The following AFAP1 variants were observed in gnomAD, a reference collection of about 807,000 sequenced individuals.
AFAP1 encodes actin filament-associated protein 1.
A neutral mutation model predicts 93.9 loss-of-function variants in AFAP1; 75 were observed. That is an observed-to-expected ratio of 0.80 (90% CI 0.66 to 0.97). The LOEUF (loss-of-function observed/expected upper bound fraction) is 0.97, where lower values mean the gene tolerates loss of function less well. Ranked by LOEUF, AFAP1 falls within the 50% of genes least tolerant of loss-of-function variation. The pLI, the probability that AFAP1 is intolerant of heterozygous loss-of-function variation, is 0.00. For synonymous variants in AFAP1, 517 were observed against 430.7 expected (o/e 1.20, Z -2.48); for missense variants, 1,201 against 1,050.8 (o/e 1.14, Z -1.98).
At chr4:7,836,736 C>T (rs1034983951) in intron 6 of AFAP1, among the ~76,000 whole-genome samples, 1 of 152,246 alleles carries the variant, frequency 6.6e-6, no homozygotes, top group Non-Finnish European at 1.5e-5. Context: ...GCATGAGCCG[C>T]TGCGCCCAGC....
At chr4:7,840,292 G>C (rs1030277875) in intron 5 of AFAP1, among the ~76,000 whole-genome samples, 4 of 107,440 alleles carry the variant, frequency 3.7e-5, no homozygotes, top group African/African-American at 1.2e-4. Context: ...GTGTGTTCCT[G>C]GTTTGTTTTT....
At chr4:7,923,728 G>A (rs949656359) in intron 1 of AFAP1, among the ~76,000 whole-genome samples, 1 of 152,148 alleles carries the variant, frequency 6.6e-6, no homozygotes, top group Non-Finnish European at 1.5e-5. Context: ...GCCTCCCAAA[G>A]TGCTGGGATT....
intron 1 of AFAP1, among the ~76,000 whole-genome samples, chr4:7,921,123 G>C (rs1365590745): frequency 1.3e-5 from 2 of 149,914 alleles, no homozygotes; most frequent in African/African-American, 4.9e-5. Flanking sequence ...AGACCAGGTA[G>C]ATGACCTATC....
intron 1 of AFAP1, among the ~76,000 whole-genome samples, chr4:7,874,232 C>G (rs1560214503): frequency 6.6e-6 from 1 of 152,048 alleles, no homozygotes; most frequent in Non-Finnish European, 1.5e-5. Context: ...TCACAACTAA[C>G]AGTTAGGAAA....
At chr4:7,784,522 GGA>G (rs1717083904) in intron 12 of AFAP1, among the ~76,000 whole-genome samples, 1 of 152,160 alleles carries the variant, frequency 6.6e-6, no homozygotes, top group South Asian at 2.1e-4. Context: ...ATAAGGCAAG[GGA>G]GAGAGGACTG....
At position 7,760,965 on chromosome 4, in the gene AFAP1, C is replaced by G. The variant is rs1020309360; in HGVS notation, c.*2800G>C. On this transcript the variant is annotated 3_prime_UTR_variant, in exon 18 of 18. Coordinates refer to ENST00000420658, the MANE Select transcript of AFAP1 (RefSeq NM_001134647.2). Reference sequence around the variant, plus strand: ...AAGAAATCCGGCTTCTCCGGGGACCCTGGCCTGCCTGTCGGGCCTCTTGCC... The same window carrying G: ...AAGAAATCCGGCTTCTCCGGGGACCGTGGCCTGCCTGTCGGGCCTCTTGCC... 6.6e-6 allele frequency: 1 copy of G among 152,280 alleles called. No individual in the cohort carries two copies. Among genetic ancestry groups the G allele is most frequent in the Non-Finnish European group, 1.5e-5 (1 of 68,066 alleles). The allele number at this position is 152,280 out of a possible 1,614,324, so 9.4% of individuals were successfully genotyped here.
intron 3 of AFAP1, 65 bp from the exon 4 acceptor site, chr4:7,855,639 CAA>C: frequency 7.7e-7 from 1 of 1,292,390 alleles, no homozygotes; most frequent in Non-Finnish European, 1.1e-6. Flanking sequence ...TCTGGATTTC[CAA>C]TTAACAGGTG....
intron 6 of AFAP1, among the ~76,000 whole-genome samples, chr4:7,828,205 G>T (rs1422081086): frequency 1.3e-5 from 2 of 152,130 alleles, no homozygotes; most frequent in Non-Finnish European, 2.9e-5. Context: ...TTCACCTAGG[G>T]CTGCTTGAAA....
At chr4:7,855,013 C>T (rs1350804779) in intron 4 of AFAP1, among the ~76,000 whole-genome samples, 2 of 152,150 alleles carry the variant, frequency 1.3e-5, no homozygotes, top group Non-Finnish European at 2.9e-5. Context: ...AAAGAAAAAA[C>T]CAAAAGTCTA....
intron 6 of AFAP1, among the ~76,000 whole-genome samples, chr4:7,831,341 G>T (rs1200938326): frequency 2.0e-5 from 3 of 147,696 alleles, no homozygotes; most frequent in African/African-American, 7.6e-5. Context: ...CTTTAGAAAA[G>T]ATACTTTACC....
At chr4:7,868,233 T>C (rs1397994148) in intron 3 of AFAP1, among the ~76,000 whole-genome samples, 1 of 152,156 alleles carries the variant, frequency 6.6e-6, no homozygotes, top group Non-Finnish European at 1.5e-5. Flanking sequence ...AGTTTCACAA[T>C]AAGGTATTCA....
intron 1 of AFAP1, among the ~76,000 whole-genome samples, chr4:7,877,132 G>T (rs62289338): frequency 1.3e-5 from 2 of 151,922 alleles, no homozygotes; most frequent in Non-Finnish European, 2.9e-5. Context: ...TTTCCCTCAA[G>T]GTAGCTAGTC....
At chr4:7,904,567 T>C (rs1286509230) in intron 1 of AFAP1, among the ~76,000 whole-genome samples, 1 of 152,204 alleles carries the variant, frequency 6.6e-6, no homozygotes, top group Non-Finnish European at 1.5e-5. Flanking sequence ...CAGTACCATA[T>C]TCTCTCATTT....
intron 6 of AFAP1, among the ~76,000 whole-genome samples, chr4:7,822,523 C>T (rs2149077085): frequency 6.6e-6 from 1 of 152,160 alleles, no homozygotes; most frequent in East Asian, 1.9e-4. Context: ...CTGCCAAAAC[C>T]CATGATCTCT....
chr4:7,840,774 T>C (rs985141973), intron 5 of AFAP1, among the ~76,000 whole-genome samples: 5 of 152,216 alleles, frequency 3.3e-5, no homozygotes, highest in African/African-American at 7.2e-5. Context: ...ATTTTGAGTA[T>C]GTATAAAAAG....
chr4:7,824,354 G>C (rs897215124), intron 6 of AFAP1, among the ~76,000 whole-genome samples: 2 of 152,018 alleles, frequency 1.3e-5, no homozygotes, highest in Non-Finnish European at 2.9e-5. Flanking sequence ...TGACCACTCC[G>C]TTTCTGGGAA....
In AFAP1 at chr4:7,793,613, G is replaced by A. The variant is rs577290879; in HGVS notation, c.1412+68C>T. ...GTCTATATCCTCACACAAAAACTAA[G>A]TTAAGCTAAGTTAGGGAAAAGACAG... On this transcript the variant is annotated intron_variant, in intron 11 of 17. Coordinates refer to ENST00000420658, the MANE Select transcript of AFAP1 (RefSeq NM_001134647.2). 5 of 1,384,230 alleles carry A rather than the reference G, an allele frequency of 3.6e-6. No individual in the cohort carries two copies. The African/African-American group carries it at 5.7e-5, about 16-fold the overall frequency. 85.7% of individuals were successfully genotyped at this position (1,384,230 alleles called of 1,614,324 possible).
At chr4:7,870,327 C>T (rs1205430073) in intron 2 of AFAP1, among the ~76,000 whole-genome samples, 4 of 152,130 alleles carry the variant, frequency 2.6e-5, no homozygotes, top group Non-Finnish European at 4.4e-5. Context: ...CTGACAGATC[C>T]AAGAGTCTGA....
chr4:7,889,643 T>C (rs1718332769), intron 1 of AFAP1, among the ~76,000 whole-genome samples: 1 of 149,508 alleles, frequency 6.7e-6, no homozygotes, highest in Non-Finnish European at 1.5e-5. Flanking sequence ...CAAACTATTC[T>C]TTAAACATGT....
Sources: gnomAD v4.1 joint callset for allele counts (sites outside exome capture counted in the v4.1 genomes callset) on GRCh38, gnomAD v4.1.1 for gene constraint, MANE v1.5 for transcripts, NCBI Gene and HGNC (gene_info 2026-07-23, HGNC 2026-07-21) for gene names.